ATAD3B: variants seen among roughly 807,000 people sequenced by gnomAD.
ATAD3B encodes the protein ATPase family AAA domain-containing protein 3B.
Under a neutral mutation model 70.2 loss-of-function variants are expected in ATAD3B, and 59 were observed. That is an observed-to-expected ratio of 0.84 (90% CI 0.68 to 1.04). The LOEUF (loss-of-function observed/expected upper bound fraction) is 1.04. Among genes scored for constraint, ATAD3B ranks in the 50% least tolerant of loss-of-function variants. The probability of loss-of-function intolerance (pLI) is 0.00; values close to 1 mark genes in which losing one functional copy is unlikely to be tolerated. For missense variants in ATAD3B, 961 were observed against 913.4 expected, an observed-to-expected ratio of 1.05 and a Z score of -0.67; for synonymous variants, 423 against 388.6, an observed-to-expected ratio of 1.09 and a Z score of -1.04.
At chr1:1,480,608 C>A (rs1186970845) in intron 4 of ATAD3B, among the ~76,000 whole-genome samples, 3 of 147,334 alleles carry the variant, frequency 2.0e-5, no homozygotes, top group Middle Eastern at 3.4e-3. Flanking sequence ...GAGGTCGGCC[C>A]GCGGTGGCCC....
downstream of ATAD3B, among the ~76,000 whole-genome samples, chr1:1,499,282 T>G (rs942693947): frequency 7.2e-6 from 1 of 138,522 alleles, no homozygotes; most frequent in Non-Finnish European, 1.6e-5. Context: ...GGAATACCTT[T>G]TTTTTTTTTT....
chr1:1,474,008 G>A (rs1168735779), intron 1 of ATAD3B, among the ~76,000 whole-genome samples: 1 of 151,816 alleles, frequency 6.6e-6, no homozygotes, highest in Non-Finnish European at 1.5e-5. Context: ...TTGGGCCCAG[G>A]CCCAGGCTAA....
the ATAD3B span, among the ~76,000 whole-genome samples, chr1:1,505,847 A>G: frequency 6.6e-6 from 1 of 152,238 alleles, no homozygotes. Flanking sequence ...ATATAATCAT[A>G]TCTAAGATCT....
chr1:1,490,089 G>A, intron 13 of ATAD3B, 168 bp from the exon 14 acceptor site: 1 of 1,425,806 alleles, frequency 7.0e-7, no homozygotes, highest in South Asian at 1.5e-5. Flanking sequence ...GGGCAGGCAG[G>A]CGGGTGACCA....
chr1:1,487,952 TG>T, intron 12 of ATAD3B, 38 bp downstream of exon 12: 1 of 1,611,014 alleles, frequency 6.2e-7, no homozygotes, highest in Non-Finnish European at 8.5e-7. Context: ...CACAGGAGGG[TG>T]GTCGGGTGGG....
At position 1,476,787 on chromosome 1, in the gene ATAD3B, C is replaced by T. The variant is rs145788664; in HGVS notation, c.206-487C>T. ...CCTCCCAAAGTGCTGGGATTACAGG[C>T]GTGAGCCACCACGCCCTGCTAGAAT... On this transcript the variant is annotated intron_variant, in intron 1 of 15. Coordinates refer to ENST00000673477, the MANE Select transcript of ATAD3B (RefSeq NM_031921.6). 8.6e-5 allele frequency among the ~76,000 whole-genome samples: 13 copies of T among 151,966 alleles called. No individual in the cohort carries two copies. The South Asian group carries it at 2.1e-3, about 24-fold the overall frequency.
At chr1:1,486,014 G>A in intron 9 of ATAD3B, 96 bp from the exon 10 acceptor site, 9 of 1,598,538 alleles carry the variant, frequency 5.6e-6, no homozygotes, top group Non-Finnish European at 6.8e-6. Flanking sequence ...GGCTTCCTGA[G>A]GAGCAGAGTC....
At chr1:1,500,054 C>G (rs549520551), downstream of ATAD3B, among the ~76,000 whole-genome samples, 1 of 151,086 alleles carries the variant, frequency 6.6e-6, no homozygotes, top group Non-Finnish European at 1.5e-5. Context: ...CAGGTGGACA[C>G]GCCCGGCTAA....
downstream of ATAD3B, among the ~76,000 whole-genome samples, chr1:1,498,716 T>G (rs141943082): frequency 0.079 from 11,790 of 150,160 alleles, 614 homozygotes; most frequent in African/African-American, 0.14. Context: ...CCTGTTTGTT[T>G]TTTTCAGACG....
At position 1,492,853 on chromosome 1, in the gene ATAD3B, C is replaced by T. The variant is rs189710820; in HGVS notation, c.1614+2182C>T. On this transcript the variant is annotated intron_variant, in intron 15 of 15. Transcript: ENST00000673477. ...ACTCAGGAGGCTGAGGCAGGAGGAT[C>T]GCTTGAACCCGGGAGGTGGAGGTTG... Among the ~76,000 whole-genome samples the T allele has an allele frequency of 8.9e-4, 135 of 151,292 alleles. 1 individual carries two copies. Among genetic ancestry groups the T allele is most frequent in the African/African-American group, 3.0e-3 (123 of 41,244 alleles).
chr1:1,489,112 T>C lies in ATAD3B; in HGVS notation c.1267-92T>C. On this transcript the variant is annotated intron_variant, in intron 12 of 15. Transcript: ENST00000673477. ...CATGAAAGTGTCGCCACGTCCCTGC[T>C]CCCTGCAGGAGGGAGGCCTGTGGGA... 1.3e-6 allele frequency: 2 copies of C among 1,596,134 alleles called. 1 individual carries two copies. The highest frequency in any genetic ancestry group is 1.7e-6 in the Non-Finnish European group (2 of 1,167,268).
chr1:1,495,944 G>T lies in ATAD3B; in HGVS notation c.*127G>T. 1 of 1,410,756 alleles carries T rather than the reference G, an allele frequency of 7.1e-7. No homozygotes were observed. The highest frequency in any genetic ancestry group is 9.2e-7 in the Non-Finnish European group (1 of 1,085,068). 87.4% of individuals were successfully genotyped at this position (1,410,756 alleles called of 1,614,324 possible). A position where few individuals can be genotyped will look rare whatever the true frequency, so the allele number is the denominator to read the frequency against. ...CCAGCCCCTGCCCAGGCCACTGTGA[G>T]GGTGGGTGCTGGCTGAGCCCCTGGG... On this transcript the variant is annotated 3_prime_UTR_variant, in exon 16 of 16. Transcript: ENST00000673477.
intron 8 of ATAD3B, among the ~76,000 whole-genome samples, 172 bp from the exon 9 acceptor site, chr1:1,485,610 C>T (rs1640164814): frequency 6.6e-6 from 1 of 152,038 alleles, no homozygotes; most frequent in African/African-American, 2.4e-5. Context: ...GCCCCTAATC[C>T]CAGCAATAGC....
At chr1:1,484,556 A>G (rs143265669) in intron 7 of ATAD3B, 20 of 159,028 alleles carry the variant, frequency 1.3e-4, no homozygotes, top group African/African-American at 4.6e-4. Flanking sequence ...TTGAACTCCA[A>G]CCTCTGGTGA....
intron 6 of ATAD3B, 47 bp from the exon 7 acceptor site, chr1:1,482,498 T>A (rs2767469): frequency 6.2e-7 from 1 of 1,611,816 alleles, no homozygotes. Context: ...CGCTGCGTGG[T>A]ACGGATCTTC....
At chr1:1,474,316 G>C (rs1211291863) in intron 1 of ATAD3B, among the ~76,000 whole-genome samples, 1 of 149,988 alleles carries the variant, frequency 6.7e-6, no homozygotes. Context: ...TCAGCCTCCC[G>C]AGTAGCTGGG....
chr1:1,498,646 G>A (rs574776480), downstream of ATAD3B, among the ~76,000 whole-genome samples: 17 of 151,708 alleles, frequency 1.1e-4, no homozygotes, highest in African/African-American at 3.4e-4. Context: ...GGGCTCAAGC[G>A]ATCCTCCTGC....
intron 7 of ATAD3B, chr1:1,482,904 G>C: frequency 3.8e-6 from 2 of 525,356 alleles, no homozygotes; most frequent in South Asian, 3.3e-5. Context: ...GAGAGGCTGA[G>C]GTAGGAGGAT....
At chr1:1,499,603 T>TC (rs1640898247), downstream of ATAD3B, among the ~76,000 whole-genome samples, 2 of 146,510 alleles carry the variant, frequency 1.4e-5, no homozygotes, top group Non-Finnish European at 3.0e-5. Flanking sequence ...TTTTTTTTTT[T>TC]TTTTTTTTGA....
Sources: allele counts gnomAD v4.1 joint callset (sites outside exome capture counted in the v4.1 genomes callset), GRCh38; gene constraint gnomAD v4.1.1; transcripts MANE v1.5; gene names NCBI Gene and HGNC (gene_info 2026-07-23, HGNC 2026-07-21).